RALGAPA2: variants seen among roughly 807,000 people sequenced by gnomAD.
The protein encoded by RALGAPA2 is ral GTPase-activating protein subunit alpha-2.
RALGAPA2 carries 139 observed loss-of-function variants against 230.4 expected under a neutral mutation model. The observed-to-expected ratio is 0.60, with a 90% CI of 0.53 to 0.69. RALGAPA2 has a LOEUF of 0.69. Ranked by LOEUF, RALGAPA2 falls within the 30% of genes least tolerant of loss-of-function variation. RALGAPA2 has a pLI of 0.00. For synonymous variants in RALGAPA2, 847 were observed against 837.8 expected, an observed-to-expected ratio of 1.01 and a Z score of -0.19; for missense variants, 2,163 against 2,276.0, an observed-to-expected ratio of 0.95 and a Z score of 1.01.
chr20:20,478,191 G>T (rs1420609825), intron 36 of RALGAPA2, among the ~76,000 whole-genome samples: 2 of 152,120 alleles, frequency 1.3e-5, no homozygotes, highest in African/African-American at 4.8e-5. Flanking sequence ...TATTGAAATG[G>T]AAATTTAGCA....
intron 38 of RALGAPA2, among the ~76,000 whole-genome samples, chr20:20,406,015 C>G (rs2059937679): frequency 6.6e-6 from 1 of 152,194 alleles, no homozygotes; most frequent in Non-Finnish European, 1.5e-5. Context: ...AGGAGACACA[C>G]ACGCAGGATA....
intron 37 of RALGAPA2, among the ~76,000 whole-genome samples, chr20:20,448,691 T>C (rs1569409903): frequency 6.6e-6 from 1 of 152,202 alleles, no homozygotes; most frequent in Non-Finnish European, 1.5e-5. Context: ...CAAGCATTTC[T>C]ACAACTTTAA....
At chr20:20,684,043 C>T (rs1016334552) in intron 1 of RALGAPA2, among the ~76,000 whole-genome samples, 2 of 152,196 alleles carry the variant, frequency 1.3e-5, no homozygotes, top group Non-Finnish European at 2.9e-5. Context: ...GTCTAACAGA[C>T]ACTCTCTGAC....
At chr20:20,583,316 C>G in intron 19 of RALGAPA2, 90 bp from the exon 20 acceptor site, 1 of 1,310,818 alleles carries the variant, frequency 7.6e-7, no homozygotes, top group Non-Finnish European at 1.0e-6. Flanking sequence ...ACTAAACAAA[C>G]AGCAGACACA....
At chr20:20,422,531 A>G (rs1251579564) in intron 37 of RALGAPA2, among the ~76,000 whole-genome samples, 1 of 152,060 alleles carries the variant, frequency 6.6e-6, no homozygotes, top group African/African-American at 2.4e-5. Context: ...TGATCATGGC[A>G]TTGCACTCCA....
chr20:20,414,489 A>C (rs890021144), intron 37 of RALGAPA2, among the ~76,000 whole-genome samples: 2 of 152,158 alleles, frequency 1.3e-5, no homozygotes, highest in South Asian at 2.1e-4. Context: ...AAACCTACAA[A>C]GGGACGTTTT....
At chr20:20,601,558 G>C in intron 16 of RALGAPA2, 124 bp downstream of exon 16, 1 of 913,142 alleles carries the variant, frequency 1.1e-6, no homozygotes, top group African/African-American at 1.7e-5. Context: ...AAGATGTAGA[G>C]ACATTTCATT....
intron 1 of RALGAPA2, among the ~76,000 whole-genome samples, chr20:20,686,554 G>A (rs2068707016): frequency 6.6e-6 from 1 of 151,716 alleles, no homozygotes; most frequent in Non-Finnish European, 1.5e-5. Flanking sequence ...AAAAAATAGG[G>A]CTAACAATGG....
chr20:20,526,749 T>C (rs947651764), intron 27 of RALGAPA2, among the ~76,000 whole-genome samples: 2 of 152,224 alleles, frequency 1.3e-5, no homozygotes, highest in African/African-American at 4.8e-5. Context: ...CTCTCACTGA[T>C]AAATCTTCAC....
intron 5 of RALGAPA2, among the ~76,000 whole-genome samples, chr20:20,642,160 AGGG>A (rs2067060071): frequency 8.5e-5 from 1 of 11,778 alleles, no homozygotes; most frequent in Non-Finnish European, 1.9e-4. Flanking sequence ...AGGGGAGGGG[AGGG>A]GAGGGGAGGG....
At chr20:20,513,886 G>A (rs2062794351) in intron 31 of RALGAPA2, among the ~76,000 whole-genome samples, 1 of 152,224 alleles carries the variant, frequency 6.6e-6, no homozygotes, top group Non-Finnish European at 1.5e-5. Flanking sequence ...TGGGGTGGGA[G>A]GAGAGAGCTG....
intron 16 of RALGAPA2, among the ~76,000 whole-genome samples, chr20:20,598,492 T>G (rs924952259): frequency 1.3e-5 from 2 of 152,198 alleles, no homozygotes; most frequent in African/African-American, 4.8e-5. Context: ...AAATTTTTCT[T>G]GACTATCTAA....
chr20:20,540,735 T>G (rs1041308018), intron 24 of RALGAPA2, among the ~76,000 whole-genome samples: 1 of 152,164 alleles, frequency 6.6e-6, no homozygotes, highest in African/African-American at 2.4e-5. Context: ...GTAGTCTCTA[T>G]TGTGTTGATT....
intron 14 of RALGAPA2, among the ~76,000 whole-genome samples, chr20:20,610,406 G>A (rs1437453460): frequency 1.3e-5 from 2 of 152,136 alleles, no homozygotes; most frequent in African/African-American, 4.8e-5. Context: ...GTATCAGCCT[G>A]CTCTTGGTCT....
chr20:20,586,494 T>A lies in RALGAPA2; in HGVS notation c.2440-1539A>T, dbSNP rs570932682. On this transcript the variant is annotated intron_variant, in intron 18 of 39. Coordinates refer to ENST00000202677, the MANE Select transcript of RALGAPA2 (RefSeq NM_020343.4). ...ACTAAAGAAAATAAATCACCATGTG[T>A]AAGAATCTCAGAAACAACAAATATC... Among the ~76,000 whole-genome samples the A allele has an allele frequency of 4.6e-5, 7 of 152,280 alleles. No homozygotes were observed. The East Asian group carries it at 1.4e-3, about 29-fold the overall frequency.
At chr20:20,700,537 T>C (rs1472025609) in intron 1 of RALGAPA2, among the ~76,000 whole-genome samples, 1 of 152,232 alleles carries the variant, frequency 6.6e-6, no homozygotes, top group Non-Finnish European at 1.5e-5. Context: ...GTGACTCAGT[T>C]TTGGTTTTCA....
chr20:20,495,164 G>A lies in RALGAPA2; in HGVS notation c.5320C>T (p.Pro1774Ser), dbSNP rs1008799650. Residue 1774 changes from proline to serine, a missense_variant, in exon 36 of 40, where the codon CCA becomes TCA. Coordinates refer to ENST00000202677, the MANE Select transcript of RALGAPA2 (RefSeq NM_020343.4). ...AFGDVSIIIY[P>S]MKNHMFFIAI... ...ATGAAGAACATGTGATTCTTCATTG[G>A]GTAAATAATGATTGAAACATCTCCA... The A allele has an allele frequency of 6.2e-7, 1 of 1,610,624 alleles. No individual in the cohort carries two copies. The highest frequency in any genetic ancestry group is 1.7e-5 in the Admixed American group (1 of 59,938).
intron 38 of RALGAPA2, 63 bp from the exon 39 acceptor site, chr20:20,396,797 A>T: frequency 7.5e-7 from 1 of 1,341,146 alleles, no homozygotes; most frequent in Admixed American, 1.7e-5. Flanking sequence ...CTCCAACTTG[A>T]TAACTAACAC....
At chr20:20,529,588 T>C (rs924127679) in intron 27 of RALGAPA2, among the ~76,000 whole-genome samples, 7 of 152,242 alleles carry the variant, frequency 4.6e-5, no homozygotes, top group African/African-American at 1.7e-4. Context: ...GTACCTCTTC[T>C]ATGTCTAGAC....
Sources: allele counts gnomAD v4.1 joint callset (sites outside exome capture counted in the v4.1 genomes callset), GRCh38; gene constraint gnomAD v4.1.1; transcripts MANE v1.5; gene names NCBI Gene and HGNC (gene_info 2026-07-23, HGNC 2026-07-21).